The following RB1 variants were observed in gnomAD, a reference collection of about 807,000 sequenced individuals.
RB1 encodes RB transcriptional corepressor 1.
A neutral mutation model predicts 135.4 loss-of-function variants in RB1; 18 were observed. That is an observed-to-expected ratio of 0.13 (90% CI 0.09 to 0.20). The LOEUF (loss-of-function observed/expected upper bound fraction) is 0.20, where lower values mean the gene tolerates loss of function less well. RB1 is among the 10% of genes least tolerant of loss of function. The pLI, the probability that RB1 is intolerant of heterozygous loss-of-function variation, is 1.00. For missense variants in RB1, 868 were observed against 1,110.0 expected (o/e 0.78, Z 3.10); for synonymous variants, 365 against 373.2 (o/e 0.98, Z 0.25).
At chr13:48,308,764 C>T (rs779966657) in intron 2 of RB1, among the ~76,000 whole-genome samples, 2 of 151,960 alleles carry the variant, frequency 1.3e-5, no homozygotes, top group Non-Finnish European at 2.9e-5. Flanking sequence ...GTGAAATGTT[C>T]ATTTAACAGA....
Position 48,304,001 on chromosome 13 carries a change from A to C in RB1, c.89A>C (p.Glu30Ala), listed in dbSNP as rs1482284498. The C allele has an allele frequency of 1.4e-5, 21 of 1,497,046 alleles. No individual in the cohort carries two copies. The highest frequency in any genetic ancestry group is 1.9e-5 in the Non-Finnish European group (21 of 1,131,568). 92.7% of individuals were successfully genotyped at this position (1,497,046 alleles called of 1,614,324 possible). A position where few individuals can be genotyped will look rare whatever the true frequency, so the allele number is the denominator to read the frequency against. The change falls in exon 1 of 27, where the codon GAG (glutamate) becomes GCG (alanine). Residue 30 changes from glutamate (E) to alanine (A), a missense_variant. Around this residue, in one of 3 missense-constraint regions of RB1, gnomAD observed 641 missense variants for 791.3 expected, o/e 0.81. Coordinates refer to ENST00000267163, the MANE Select transcript of RB1 (RefSeq NM_000321.3). The part of the protein sequence containing the change: ...PPAPPPPPPP[E>A]EDPEQDSGPE... ...GCACCGCCGCCGCCGCCCCCTCCTGAGGAGGACCCAGAGCAGGACAGCGGC... is the reference window on the plus strand; with the variant it reads ...GCACCGCCGCCGCCGCCCCCTCCTGCGGAGGACCCAGAGCAGGACAGCGGC...
chr13:48,453,550 C>G (rs1949342042), intron 18 of RB1, among the ~76,000 whole-genome samples: 1 of 151,902 alleles, frequency 6.6e-6, no homozygotes, highest in South Asian at 2.1e-4. Context: ...GACTAACACA[C>G]AGTTGATTAG....
chr13:48,473,313 G>T lies in RB1; in HGVS notation c.2490-47G>T. The T allele has an allele frequency of 6.8e-7, 1 of 1,471,270 alleles. No individual in the cohort carries two copies. The highest frequency in any genetic ancestry group is 1.1e-5 in the South Asian group (1 of 87,728). 91.1% of individuals were successfully genotyped at this position (1,471,270 alleles called of 1,614,324 possible). On this transcript the variant is annotated intron_variant, in intron 23 of 26. Transcript: ENST00000267163. ...TATTTATGCTCATCTCTGCAAAATT[G>T]TATATGGTTTTTTATTACTAATTGG...
chr13:48,409,150 C>CTTT (rs1282281494), intron 17 of RB1, among the ~76,000 whole-genome samples: 2 of 131,020 alleles, frequency 1.5e-5, no homozygotes, highest in African/African-American at 2.8e-5. Flanking sequence ...TTTCTTTTCT[C>CTTT]TTTTTTTTTT....
intron 17 of RB1, among the ~76,000 whole-genome samples, chr13:48,436,468 C>G (rs986517090): frequency 6.6e-6 from 1 of 152,112 alleles, no homozygotes; most frequent in East Asian, 1.9e-4. Flanking sequence ...CATGGTGAAA[C>G]CTCATCTCTA....
chr13:48,480,990 A>G lies in RB1; in HGVS notation c.*919A>G, dbSNP rs1949535223. ...TGTTTCTGGGTCCTGAAGAATTAAG[A>G]TACAAATTAATTTTACTCCATAAAC... On this transcript the variant is annotated 3_prime_UTR_variant, in exon 27 of 27. Transcript: ENST00000267163. 1 of 228,432 alleles carries G rather than the reference A, an allele frequency of 4.4e-6. No individual in the cohort carries two copies. Among genetic ancestry groups the G allele is most frequent in the African/African-American group, 2.2e-5 (1 of 45,022 alleles). 14.2% of individuals were successfully genotyped at this position (228,432 alleles called of 1,614,324 possible). A position where few individuals can be genotyped will look rare whatever the true frequency, so the allele number is the denominator to read the frequency against.
intron 9 of RB1, among the ~76,000 whole-genome samples, chr13:48,367,012 G>A (rs1033311758): frequency 2.6e-5 from 4 of 151,592 alleles, no homozygotes; most frequent in Non-Finnish European, 5.9e-5. Context: ...CCAGCTACTC[G>A]GGAGGCTGAG....
intron 17 of RB1, among the ~76,000 whole-genome samples, chr13:48,448,461 T>C (rs1949304564): frequency 6.6e-6 from 1 of 152,252 alleles, no homozygotes; most frequent in Admixed American, 6.5e-5. Context: ...GAATTATTTC[T>C]GTAGTGAGTC....
intron 17 of RB1, among the ~76,000 whole-genome samples, chr13:48,446,342 CT>C (rs973306473): frequency 3.3e-5 from 5 of 152,300 alleles, no homozygotes; most frequent in African/African-American, 1.2e-4. Context: ...AACCTTCTCA[CT>C]TTATTCATTT....
At chr13:48,473,540 G>T in intron 24 of RB1, 150 bp downstream of exon 24, 1 of 651,422 alleles carries the variant, frequency 1.5e-6, no homozygotes, top group Middle Eastern at 4.4e-4. Context: ...ATATATCTCA[G>T]ATTTACTTTC....
chr13:48,352,692 A>G (rs1460864295), intron 6 of RB1, among the ~76,000 whole-genome samples: 1 of 152,046 alleles, frequency 6.6e-6, no homozygotes, highest in Non-Finnish European at 1.5e-5. Context: ...TGATTTTTAT[A>G]CATTGATTTT....
chr13:48,340,101 T>A (rs1342984505), intron 2 of RB1, among the ~76,000 whole-genome samples: 3 of 152,128 alleles, frequency 2.0e-5, no homozygotes, highest in Non-Finnish European at 4.4e-5. Flanking sequence ...GGTATCCAAA[T>A]GCAGAAAATG....
chr13:48,351,861 A>G (rs1380988356), intron 6 of RB1, among the ~76,000 whole-genome samples: 1 of 151,780 alleles, frequency 6.6e-6, no homozygotes, highest in Non-Finnish European at 1.5e-5. Context: ...TTTACTAGAG[A>G]TGGGGTTTTA....
chr13:48,324,337 TACCCATTA>T (rs569178675), intron 2 of RB1, among the ~76,000 whole-genome samples: 74 of 152,284 alleles, frequency 4.9e-4, no homozygotes, highest in African/African-American at 1.7e-3. Flanking sequence ...TGTCTTTTTG[TACCCATTA>T]ACCAACTCCT....
At chr13:48,333,020 C>T (rs1952350441) in intron 2 of RB1, 1 of 398,372 alleles carries the variant, frequency 2.5e-6, no homozygotes, top group Non-Finnish European at 4.4e-6. Flanking sequence ...AAAATAGGTA[C>T]TCCGCTCACC....
At position 48,364,880 on chromosome 13, in the gene RB1, T is replaced by C. The variant is rs2138116202; in HGVS notation, c.862-14T>C. 2 of 1,549,288 alleles carry C rather than the reference T, an allele frequency of 1.3e-6. No homozygotes were observed. The highest frequency in any genetic ancestry group is 1.7e-6 in the Non-Finnish European group (2 of 1,144,412). On this transcript the variant is annotated splice_polypyrimidine_tract_variant and intron_variant, in intron 8 of 26. Coordinates refer to ENST00000267163, the MANE Select transcript of RB1 (RefSeq NM_000321.3). ...TAAATTTTAATGATCATGTTGTAAC[T>C]TCATCTTTTTCAGGTGAAAAATGTT...
At position 48,330,794 on chromosome 13, in the gene RB1, A is replaced by G. The variant is rs9562816; in HGVS notation, c.265-11805A>G. On this transcript the variant is annotated intron_variant, in intron 2 of 26. Transcript: ENST00000267163. ...AATAGGAGGAAACACTTCCAAACTC[A>G]TTTAACAAGGCTAGCATTACCTTGA... Among the ~76,000 whole-genome samples the G allele has an allele frequency of 3.3e-5, 5 of 152,340 alleles. No homozygotes were observed. The East Asian group carries it at 9.6e-4, about 29-fold the overall frequency.
At chr13:48,463,707 C>T (rs1949419211) in intron 20 of RB1, 24 bp from the exon 21 acceptor site, 1 of 1,338,462 alleles carries the variant, frequency 7.5e-7, no homozygotes, top group Middle Eastern at 2.0e-4. Flanking sequence ...ATTCTGACTA[C>T]TTTTACATCA....
At chr13:48,340,238 C>A (rs1013535301) in intron 2 of RB1, among the ~76,000 whole-genome samples, 2 of 151,964 alleles carry the variant, frequency 1.3e-5, no homozygotes, top group African/African-American at 4.8e-5. Context: ...TTCATAGATA[C>A]CTACCACTGA....
Sources: gnomAD v4.1 joint callset for allele counts (sites outside exome capture counted in the v4.1 genomes callset) on GRCh38, gnomAD v4.1.1 for gene constraint, gnomAD v4.1.1 regional missense constraint, MANE v1.5 for transcripts, NCBI Gene and HGNC (gene_info 2026-07-23, HGNC 2026-07-21) for gene names.